Variants in ZNF845 observed in about 807,000 individuals in gnomAD.
ZNF845 encodes the protein zinc finger protein 845.
ZNF845 carries 59 observed loss-of-function variants against 76.1 expected under a neutral mutation model. The observed-to-expected ratio is 0.78, with a 90% CI of 0.63 to 0.96. The LOEUF (loss-of-function observed/expected upper bound fraction) is 0.96. Among genes scored for constraint, ZNF845 ranks in the 40% least tolerant of loss-of-function variants. The probability of loss-of-function intolerance (pLI) is 0.00; values close to 1 mark genes in which losing one functional copy is unlikely to be tolerated. For missense variants in ZNF845, 1,045 were observed against 1,172.8 expected (o/e 0.89, Z 1.59); for synonymous variants, 361 against 386.9 (o/e 0.93, Z 0.78).
chr19:53,335,558 C>T (rs1292961517), intron 1 of ZNF845, among the ~76,000 whole-genome samples: 1 of 152,054 alleles, frequency 6.6e-6, no homozygotes, highest in African/African-American at 2.4e-5. Flanking sequence ...CAGAGAGGAG[C>T]CACCGTGCCT....
chr19:53,341,769 C>G (rs775407039), intron 2 of ZNF845, among the ~76,000 whole-genome samples: 28 of 152,300 alleles, frequency 1.8e-4, no homozygotes, highest in Non-Finnish European at 3.2e-4. Flanking sequence ...TGATTTTATA[C>G]TACATTTTTA....
At chr19:53,336,801 A>G (rs563504350) in intron 1 of ZNF845, among the ~76,000 whole-genome samples, 2 of 152,158 alleles carry the variant, frequency 1.3e-5, no homozygotes, top group Non-Finnish European at 1.5e-5. Flanking sequence ...CGATTTTTTA[A>G]AAAACAATTT....
chr19:53,352,934 CAA>C lies in ZNF845; in HGVS notation c.2261_2262del (p.Lys754SerfsTer9). On this transcript the variant is annotated frameshift_variant, in exon 4 of 4. Transcript: ENST00000458035. LOFTEE classifies it high-confidence loss of function. Reference sequence around the variant, plus strand: ...AACCTTACAAATGTGAAGAATGTGACAAAGTTTTCAGTCGCAAATCAAGCCTT... The same window carrying C: ...AACCTTACAAATGTGAAGAATGTGACAGTTTTCAGTCGCAAATCAAGCCTT... Reference protein sequence around the residue: ...EKPYKCEECDKVFSRKSSLEK... With the variant: ...EKPYKCEECDXVFSRKSSLEK... 3 of 1,613,814 alleles carry C rather than the reference CAA, an allele frequency of 1.9e-6. No homozygotes were observed. The highest frequency in any genetic ancestry group is 2.5e-6 in the Non-Finnish European group (3 of 1,179,962).
intron 3 of ZNF845, 87 bp downstream of exon 3, chr19:53,345,719 G>C (rs1468283157): frequency 2.1e-5 from 33 of 1,582,834 alleles, no homozygotes; most frequent in Non-Finnish European, 2.7e-5. Context: ...GTCTTGCTCT[G>C]TCACCCAGGG....
At chr19:53,345,378 T>G in intron 2 of ZNF845, 128 bp from the exon 3 acceptor site, 1 of 1,554,422 alleles carries the variant, frequency 6.4e-7, no homozygotes, top group Non-Finnish European at 8.7e-7. Context: ...TGGTGAAGAA[T>G]CCCTTACTCG....
chr19:53,344,134 A>G (rs2085277045), intron 2 of ZNF845, among the ~76,000 whole-genome samples: 1 of 152,020 alleles, frequency 6.6e-6, no homozygotes, highest in South Asian at 2.1e-4. Flanking sequence ...CCACTGTGCC[A>G]GGCTGGATTT....
In ZNF845 at chr19:53,353,508, T is replaced by G; in HGVS notation, c.2833T>G (p.Cys945Gly). The change falls in exon 4 of 4, where the codon TGT becomes GGT. Residue 945 changes from cysteine to glycine, a missense_variant. Coordinates refer to ENST00000458035, the MANE Select transcript of ZNF845 (RefSeq NM_138374.3). The part of the protein sequence containing the change: ...TIHTGEKPYK[C>G]NECGKVFNRK... The stretch of plus-strand genomic sequence containing the variant: ...TCATACTGGAGAGAAACCTTACAAG[T>G]GTAATGAATGTGGCAAGGTTTTTAA... The G allele has an allele frequency of 2.5e-6, 4 of 1,613,440 alleles. No individual in the cohort carries two copies. The highest frequency in any genetic ancestry group is 3.4e-6 in the Non-Finnish European group (4 of 1,179,672).
At chr19:53,350,762 A>C in intron 3 of ZNF845, 56 bp from the exon 4 acceptor site, 1 of 1,558,206 alleles carries the variant, frequency 6.4e-7, no homozygotes, top group Non-Finnish European at 8.7e-7. Flanking sequence ...TACACATTTC[A>C]GTATTATTTA....
chr19:53,351,356 C>T lies in ZNF845; in HGVS notation c.681C>T (p.Ser227=), dbSNP rs910456413. The stretch of plus-strand genomic sequence containing the variant: ...AGAGTGGCAAAGCCTTTAATTATAG[C>T]TCAGTCTTAAGGAAACATCAGATAA... The part of the protein sequence containing the change: ...CNESGKAFNY[S]SVLRKHQIIH... The change falls in exon 4 of 4, where the codon AGC becomes AGT. Residue 227 remains serine, a synonymous_variant. Transcript: ENST00000458035. 6.2e-6 allele frequency: 10 copies of T among 1,614,184 alleles called. No individual in the cohort carries two copies. Among genetic ancestry groups the T allele is most frequent in the Non-Finnish European group, 7.6e-6 (9 of 1,180,030 alleles).
chr19:53,334,405 G>A (rs2085198064), intron 1 of ZNF845, among the ~76,000 whole-genome samples: 1 of 152,114 alleles, frequency 6.6e-6, no homozygotes, highest in Admixed American at 6.6e-5. Flanking sequence ...CTGAGACAGA[G>A]AAAAGAAGAA....
In ZNF845 at chr19:53,352,784, T is replaced by C. The variant is rs766863218; in HGVS notation, c.2109T>C (p.Asn703=). 6.2e-7 allele frequency: 1 copy of C among 1,611,674 alleles called. No homozygotes were observed. Among genetic ancestry groups the C allele is most frequent in the Admixed American group, 1.7e-5 (1 of 59,820 alleles). ...AGTGTGGCAAGACCTTCGGTCGAAA[T>C]TCAGCCCTTATAATTCACAAGGCAA... ...CNECGKTFGR[N]SALIIHKAIH... Residue 703 remains asparagine, a synonymous_variant, in exon 4 of 4, where the codon AAT becomes AAC. Transcript: ENST00000458035.
At chr19:53,337,758 GT>G (rs1182964873) in intron 1 of ZNF845, among the ~76,000 whole-genome samples, 1 of 152,060 alleles carries the variant, frequency 6.6e-6, no homozygotes, top group African/African-American at 2.4e-5. Context: ...TAGAGATGGA[GT>G]TTCACCATCT....
At chr19:53,338,736 CCA>C (rs201611740) in intron 1 of ZNF845, among the ~76,000 whole-genome samples, 4 of 150,820 alleles carry the variant, frequency 2.7e-5, no homozygotes. Context: ...ACACACACTC[CCA>C]CACACACAGT....
In ZNF845 at chr19:53,340,962, A is replaced by G. The variant is rs1256283474; in HGVS notation, c.-73-273A>G. On this transcript the variant is annotated intron_variant, in intron 1 of 3. Coordinates refer to ENST00000458035, the MANE Select transcript of ZNF845 (RefSeq NM_138374.3). ...CCTCCTTCCCCAGGTCTCTGTTCTG[A>G]TATCACCTTCTCAGTGGGGACTTCT... 15 of 447,148 alleles carry G rather than the reference A, an allele frequency of 3.4e-5. No homozygotes were observed. In the East Asian group the frequency reaches 4.0e-4, roughly 12 times the overall value. 27.7% of individuals were successfully genotyped at this position (447,148 alleles called of 1,614,324 possible). A position where few individuals can be genotyped will look rare whatever the true frequency, so the allele number is the denominator to read the frequency against.
chr19:53,340,717 G>T (rs998018380), intron 1 of ZNF845: 4 of 286,538 alleles, frequency 1.4e-5, no homozygotes, highest in East Asian at 1.2e-4. Context: ...ATTCTTTGGA[G>T]GTGTGGGAGA....
Position 53,353,235 on chromosome 19 carries a change from A to G in ZNF845, c.2560A>G (p.Thr854Ala). 2 of 1,613,964 alleles carry G rather than the reference A, an allele frequency of 1.2e-6. No homozygotes were observed. The highest frequency in any genetic ancestry group is 1.7e-6 in the Non-Finnish European group (2 of 1,179,876). The stretch of plus-strand genomic sequence containing the variant: ...CCTTGAAATTCATAAGGCAATTCAT[A>G]CTGGAGAAAAACCTTACAAGTGTAG... ...SALEIHKAIH[T>A]GEKPYKCSEC... is the part of the protein sequence containing the mutation. The change falls in exon 4 of 4, where the codon ACT (threonine) becomes GCT (alanine). Residue 854 changes from threonine (T) to alanine (A), a missense_variant. Coordinates refer to ENST00000458035, the MANE Select transcript of ZNF845 (RefSeq NM_138374.3).
intron 2 of ZNF845, among the ~76,000 whole-genome samples, chr19:53,342,899 A>G (rs981607710): frequency 2.0e-5 from 3 of 152,016 alleles, no homozygotes; most frequent in Admixed American, 2.0e-4. Context: ...GCTCACTGCA[A>G]CCACTGCCTC....
intron 2 of ZNF845, among the ~76,000 whole-genome samples, chr19:53,341,599 G>A (rs866543864): frequency 1.3e-5 from 2 of 151,860 alleles, no homozygotes; most frequent in African/African-American, 2.4e-5. Flanking sequence ...TGTCAGTGCT[G>A]TTGGGCAGCA....
chr19:53,345,030 A>G (rs2085284615), intron 2 of ZNF845, among the ~76,000 whole-genome samples: 1 of 152,156 alleles, frequency 6.6e-6, no homozygotes, highest in East Asian at 1.9e-4. Context: ...TTCAAAAGGT[A>G]TAAGAAGGCC....
Sources: gnomAD v4.1 joint callset for allele counts (sites outside exome capture counted in the v4.1 genomes callset) on GRCh38, gnomAD v4.1.1 for gene constraint, MANE v1.5 for transcripts, NCBI Gene and HGNC (gene_info 2026-07-23, HGNC 2026-07-21) for gene names.